Variants in CEACAM19 observed in about 807,000 individuals in gnomAD.
CEACAM19 encodes the protein cell adhesion molecule CEACAM19.
In CEACAM19, 37 loss-of-function variants were observed where a neutral mutation model predicts 37.6. That is an observed-to-expected ratio of 0.98 (90% CI 0.76 to 1.29). CEACAM19 has a LOEUF of 1.29. CEACAM19 is among the 50% of genes most tolerant of loss of function. CEACAM19 has a pLI of 0.00. For missense variants in CEACAM19, 340 were observed against 375.6 expected, an observed-to-expected ratio of 0.91 and a Z score of 0.78; for synonymous variants, 140 against 149.8, an observed-to-expected ratio of 0.93 and a Z score of 0.48.
intron 4 of CEACAM19, among the ~76,000 whole-genome samples, chr19:44,679,349 A>C (rs1250661350): frequency 6.6e-6 from 1 of 152,186 alleles, no homozygotes; most frequent in Non-Finnish European, 1.5e-5. Flanking sequence ...TCATGCCTGT[A>C]ATCCCAGCAC....
intron 6 of CEACAM19, among the ~76,000 whole-genome samples, chr19:44,681,917 C>T (rs1439126956): frequency 6.7e-6 from 1 of 148,164 alleles, no homozygotes; most frequent in African/African-American, 2.6e-5. Flanking sequence ...ACGACAGGAG[C>T]GAGACTCCAT....
intron 7 of CEACAM19, 184 bp from the exon 8 acceptor site, chr19:44,683,253 T>C: frequency 6.2e-6 from 3 of 486,484 alleles, no homozygotes; most frequent in Non-Finnish European, 1.1e-5. Flanking sequence ...TGTGTCCACC[T>C]CATTTCTTGG....
chr19:44,668,836 T>G (rs79852780), upstream of CEACAM19, among the ~76,000 whole-genome samples: 1 of 132,074 alleles, frequency 7.6e-6, no homozygotes, highest in Non-Finnish European at 1.5e-5. Flanking sequence ...TTTTTTTTTT[T>G]GGAGATGGAG....
intron 4 of CEACAM19, among the ~76,000 whole-genome samples, chr19:44,679,326 C>G (rs987871886): frequency 5.9e-5 from 9 of 152,134 alleles, no homozygotes; most frequent in Admixed American, 2.0e-4. Context: ...GTATTCAGGA[C>G]GGGTGCAGTG....
chr19:44,680,489 A>C (rs1974037248), intron 5 of CEACAM19, among the ~76,000 whole-genome samples, 155 bp downstream of exon 5: 1 of 150,614 alleles, frequency 6.6e-6, no homozygotes, highest in South Asian at 2.2e-4. Context: ...CACCCACATA[A>C]TCTGAGCGCA....
At chr19:44,669,773 AG>A, upstream of CEACAM19, among the ~76,000 whole-genome samples, 1 of 151,996 alleles carries the variant, frequency 6.6e-6, no homozygotes, top group Middle Eastern at 3.2e-3. Flanking sequence ...AGCCCTCCCT[AG>A]CCGTCAGGTT....
At chr19:44,670,765 C>T (rs1457622203), upstream of CEACAM19, among the ~76,000 whole-genome samples, 1 of 118,818 alleles carries the variant, frequency 8.4e-6, no homozygotes, top group Non-Finnish European at 1.7e-5. Flanking sequence ...AAAGACAGAG[C>T]AAGACCCTGT....
At chr19:44,680,710 G>A (rs1475442113) in intron 5 of CEACAM19, among the ~76,000 whole-genome samples, 2 of 152,030 alleles carry the variant, frequency 1.3e-5, no homozygotes, top group African/African-American at 2.4e-5. Flanking sequence ...TTACTCCTCT[G>A]CTCAAAGGCC....
rs1974057874 is a variant in CEACAM19, at chr19:44,681,435, G to A, written c.792+123G>A. The A allele has an allele frequency of 8.4e-6, 5 of 595,324 alleles. No individual in the cohort carries two copies. In the East Asian group the frequency reaches 1.5e-4, roughly 18 times the overall value. The allele number at this position is 595,324 out of a possible 1,614,324, so 36.9% of individuals were successfully genotyped here. ...TGGGAATCTCAACTCTCTATATATT[G>A]TTCCCTGTTTTTAAAAATCCTAAGG... On this transcript the variant is annotated intron_variant, in intron 6 of 7. Coordinates refer to ENST00000358777, the MANE Select transcript of CEACAM19 (RefSeq NM_001127893.3).
chr19:44,674,182 G>A (rs1398227377), intron 2 of CEACAM19, among the ~76,000 whole-genome samples: 1 of 151,616 alleles, frequency 6.6e-6, no homozygotes, highest in Non-Finnish European at 1.5e-5. Flanking sequence ...AGAGGTTGCA[G>A]TGAACCGAGA....
chr19:44,680,549 TC>T (rs1974039033), intron 5 of CEACAM19, among the ~76,000 whole-genome samples: 1 of 151,542 alleles, frequency 6.6e-6, no homozygotes, highest in African/African-American at 2.4e-5. Flanking sequence ...GTGGCTAGCA[TC>T]CCCATCCCAT....
Position 44,680,299 on chromosome 19 carries a change from C to A in CEACAM19, c.671C>A (p.Thr224Lys). ...SVTPSTWMAT[T>K]EKPELGPAHD... ...CTATGTGTCCCCAGGATGGCGACCA[C>A]AGAGAAGCCAGAATTGGGCCCTGCT... The change falls in exon 5 of 8, where the codon ACA becomes AAA. Residue 224 changes from threonine to lysine, a missense_variant. Physicochemically the swap from Thr to Lys is moderately conservative, Grantham distance 78. Transcript: ENST00000358777. 1.2e-6 allele frequency: 2 copies of A among 1,610,394 alleles called. No individual in the cohort carries two copies. Among genetic ancestry groups the A allele is most frequent in the Non-Finnish European group, 1.7e-6 (2 of 1,179,430 alleles).
Position 44,680,340 on chromosome 19 carries a change from G to A in CEACAM19, c.706+6G>A, listed in dbSNP as rs376221316. 5.8e-5 allele frequency: 94 copies of A among 1,608,932 alleles called. No individual in the cohort carries two copies. Among genetic ancestry groups the A allele is most frequent in the Middle Eastern group, 1.7e-4 (1 of 5,994 alleles). On this transcript the variant is annotated splice_donor_region_variant and intron_variant, in intron 5 of 7. Transcript: ENST00000358777. ...GGGCCCTGCTCATGATGCTGGTAAG[G>A]CGGGAGCCCCAGATCTCACTACCTA...
In CEACAM19 at chr19:44,683,277, T is replaced by C. The variant is rs376583720; in HGVS notation, c.847-160T>C. The C allele has an allele frequency of 1.0e-5, 5 of 502,180 alleles. No homozygotes were observed. In the East Asian group the frequency reaches 1.6e-4, roughly 16 times the overall value. The allele number at this position is 502,180 out of a possible 1,614,324, so 31.1% of individuals were successfully genotyped here. A position where few individuals can be genotyped will look rare whatever the true frequency, so the allele number is the denominator to read the frequency against. ...CTCATTTCTTGGCTCTTCCAGGACC[T>C]CTTGTCTCTGCATCTCACTCTCTTT... On this transcript the variant is annotated intron_variant, in intron 7 of 7. Transcript: ENST00000358777.
At chr19:44,674,572 T>G (rs1389496691) in intron 2 of CEACAM19, among the ~76,000 whole-genome samples, 1 of 151,852 alleles carries the variant, frequency 6.6e-6, no homozygotes, top group African/African-American at 2.4e-5. Flanking sequence ...AGCTAATTTT[T>G]TTTATTTATT....
intron 2 of CEACAM19, 147 bp from the exon 3 acceptor site, chr19:44,676,124 G>A: frequency 1.2e-6 from 1 of 826,828 alleles, no homozygotes; most frequent in Non-Finnish European, 1.9e-6. Flanking sequence ...ACTCAGATCT[G>A]AAAAGCAGGA....
Position 44,671,809 on chromosome 19 carries a change from G to T in CEACAM19, c.-123G>T. The T allele has an allele frequency of 1.4e-6, 1 of 737,462 alleles. No individual in the cohort carries two copies. The highest frequency in any genetic ancestry group is 2.3e-6 in the Non-Finnish European group (1 of 442,360). The allele number at this position is 737,462 out of a possible 1,614,324, so 45.7% of individuals were successfully genotyped here. On this transcript the variant is annotated 5_prime_UTR_variant, in exon 1 of 8. Coordinates refer to ENST00000358777, the MANE Select transcript of CEACAM19 (RefSeq NM_001127893.3). ...ATGCTGGGGCTGGGCCAGCCCCAGC[G>T]GTGTCTCTAAGGCACCCCTGGGATC...
chr19:44,679,477 T>C (rs1171115306), intron 4 of CEACAM19, among the ~76,000 whole-genome samples: 3 of 151,710 alleles, frequency 2.0e-5, no homozygotes, highest in African/African-American at 4.8e-5. Flanking sequence ...GGGCCAGGCA[T>C]GGTGCCTCAC....
chr19:44,677,503 T>G (rs1973973063), intron 3 of CEACAM19: 1 of 152,128 alleles, frequency 6.6e-6, no homozygotes, highest in Non-Finnish European at 1.5e-5. Context: ...AGGGAGAGTC[T>G]ATTCGTGAAA....
Sources: allele counts gnomAD v4.1 joint callset (sites outside exome capture counted in the v4.1 genomes callset), GRCh38; gene constraint gnomAD v4.1.1; transcripts MANE v1.5; gene names NCBI Gene and HGNC (gene_info 2026-07-23, HGNC 2026-07-21).